Variants in ELF4 observed in about 807,000 individuals in gnomAD.
ELF4 encodes the protein E74 like ETS transcription factor 4, also known as ETS-related transcription factor Elf-4.
Under a neutral mutation model 31.7 loss-of-function variants are expected in ELF4, and 10 were observed. The ratio of observed to expected loss-of-function variants is 0.32; its 90% CI spans 0.19 to 0.54. The LOEUF (loss-of-function observed/expected upper bound fraction) is 0.54. Among genes scored for constraint, ELF4 ranks in the 20% least tolerant of loss-of-function variants. ELF4 has a pLI of 0.95. For synonymous variants in ELF4, 208 were observed against 226.7 expected (o/e 0.92, Z 0.74); for missense variants, 418 against 522.0 (o/e 0.80, Z 1.94).
intron 1 of ELF4, among the ~76,000 whole-genome samples, chrX:130,088,233 AAAAT>A (rs1347249864): frequency 9.1e-6 from 1 of 109,790 alleles, no homozygotes; most frequent in South Asian, 3.9e-4. Flanking sequence ...CCATCTCAAA[AAAAT>A]AAATAAATAA....
At chrX:130,100,643 G>A (rs763817185) in intron 1 of ELF4, among the ~76,000 whole-genome samples, 34 of 111,456 alleles carry the variant, frequency 3.1e-4, no homozygotes, top group East Asian at 2.8e-3. Context: ...TCATAATTAC[G>A]GTCTGCACCC....
chrX:130,106,154 T>G (rs1318400036), intron 1 of ELF4, among the ~76,000 whole-genome samples: 3 of 106,112 alleles, frequency 2.8e-5, no homozygotes, highest in African/African-American at 1.0e-4. Flanking sequence ...CTTCCCCCTC[T>G]CCCCCCTTCA....
intron 2 of ELF4, among the ~76,000 whole-genome samples, chrX:130,077,015 T>C (rs1327145873): frequency 9.0e-6 from 1 of 111,306 alleles, no homozygotes; most frequent in Non-Finnish European, 1.9e-5. Flanking sequence ...TTCAGAGCAG[T>C]GCTAGGGTCC....
intron 1 of ELF4, among the ~76,000 whole-genome samples, chrX:130,090,098 G>T (rs377287590): frequency 2.8e-5 from 3 of 108,669 alleles, no homozygotes; most frequent in African/African-American, 6.7e-5. Flanking sequence ...TTAGGGCCAG[G>T]CGTGGTGGCT....
chrX:130,095,113 G>T lies in ELF4; in HGVS notation c.-209-13574C>A, dbSNP rs1479241186. 2.7e-5 allele frequency among the ~76,000 whole-genome samples: 3 copies of T among 111,564 alleles called. No homozygotes were observed. The East Asian group carries it at 8.5e-4, about 32-fold the overall frequency. ...ACTTCAAGTTGCTCCCCCTGCTTCG[G>T]GAAAAGGAGGGCCAAACAGTAAAAA... On this transcript the variant is annotated intron_variant, in intron 1 of 8. Coordinates refer to ENST00000308167, the MANE Select transcript of ELF4 (RefSeq NM_001421.4).
At chrX:130,081,646 C>T (rs1002150523) in intron 1 of ELF4, 107 bp from the exon 2 acceptor site, 19 of 343,909 alleles carry the variant, frequency 5.5e-5, no homozygotes, top group African/African-American at 4.7e-4. Flanking sequence ...AGGCAGACTG[C>T]CAATAGAGGA....
chrX:130,075,836 G>A (rs1265567235), intron 2 of ELF4, among the ~76,000 whole-genome samples: 1 of 111,809 alleles, frequency 8.9e-6, no homozygotes, highest in African/African-American at 3.3e-5. Context: ...AGACAGAACA[G>A]AGGCATTATA....
In ELF4 at chrX:130,066,705, G is replaced by T; in HGVS notation, c.*16C>A. 2.5e-6 allele frequency: 3 copies of T among 1,206,729 alleles called. No individual in the cohort carries two copies. The highest frequency in any genetic ancestry group is 3.4e-6 in the Non-Finnish European group (3 of 892,545). ...CAATTTTGCCTGGTGGGTCACACTTGCCCTGACCCCTTTGCTTATATGTCA... is the reference window on the plus strand; with the variant it reads ...CAATTTTGCCTGGTGGGTCACACTTTCCCTGACCCCTTTGCTTATATGTCA... On this transcript the variant is annotated 3_prime_UTR_variant, in exon 9 of 9. Coordinates refer to ENST00000308167, the MANE Select transcript of ELF4 (RefSeq NM_001421.4).
chrX:130,090,346 C>T (rs1363309925), intron 1 of ELF4, among the ~76,000 whole-genome samples: 1 of 108,621 alleles, frequency 9.2e-6, no homozygotes, highest in Non-Finnish European at 1.9e-5. Flanking sequence ...GCACTCCAGC[C>T]TGGGCGACAG....
At chrX:130,101,651 T>C (rs1169701031) in intron 1 of ELF4, among the ~76,000 whole-genome samples, 6 of 107,650 alleles carry the variant, frequency 5.6e-5, no homozygotes, top group East Asian at 2.9e-4. Context: ...ATTAGCCGGG[T>C]GTGGTGGCGC....
intron 4 of ELF4, 103 bp from the exon 5 acceptor site, chrX:130,072,520 C>G: frequency 1.2e-6 from 1 of 838,892 alleles, no homozygotes; most frequent in Non-Finnish European, 1.8e-6. Flanking sequence ...GCGGGGGGCT[C>G]ATCCCCCCAG....
chrX:130,084,368 A>G (rs1327534239), intron 1 of ELF4, among the ~76,000 whole-genome samples: 3 of 112,653 alleles, frequency 2.7e-5, no homozygotes, highest in Middle Eastern at 4.6e-3. Context: ...TGAGACCCCC[A>G]AAGTCCATGT....
At chrX:130,086,845 G>A (rs1029370330) in intron 1 of ELF4, among the ~76,000 whole-genome samples, 7 of 112,458 alleles carry the variant, frequency 6.2e-5, no homozygotes, top group African/African-American at 1.9e-4. Context: ...AGAATACACA[G>A]GGTGGGGCTG....
At chrX:130,072,517 G>A (rs1005432761) in intron 4 of ELF4, 100 bp from the exon 5 acceptor site, 34 of 872,192 alleles carry the variant, frequency 3.9e-5, no homozygotes, top group Non-Finnish European at 5.7e-5. Context: ...AGGGCGGGGG[G>A]CTCATCCCCC....
intron 5 of ELF4, 62 bp downstream of exon 5, chrX:130,072,164 C>T (rs753092122): frequency 4.9e-5 from 56 of 1,149,933 alleles, no homozygotes; most frequent in African/African-American, 7.2e-5. Context: ...GAGCCCTGAC[C>T]GCCCCCCCAC....
In ELF4 at chrX:130,067,231, G is replaced by T. The variant is rs752280897; in HGVS notation, c.1482C>A (p.Asn494Lys). The change falls in exon 9 of 9, where the codon AAC (asparagine) becomes AAA (lysine). Residue 494 changes from asparagine (N) to lysine (K), a missense_variant. Coordinates refer to ENST00000308167, the MANE Select transcript of ELF4 (RefSeq NM_001421.4). ...SGLPQLLAGA[N>K]RPTNPAPPTV... is the part of the protein sequence containing the mutation. ...TGGGTGGCGCCGGGTTGGTCGGACG[G>T]TTGGCCCCAGCCAGAAGTTGGGGGA... 1 of 1,212,055 alleles carries T rather than the reference G, an allele frequency of 8.3e-7. No homozygotes were observed. The highest frequency in any genetic ancestry group is 1.1e-6 in the Non-Finnish European group (1 of 895,417).
At position 130,066,155 on chromosome X, in the gene ELF4, C is replaced by T. The variant is rs3788846; in HGVS notation, c.*566G>A. On this transcript the variant is annotated 3_prime_UTR_variant, in exon 9 of 9. Transcript: ENST00000308167. ...CCATAGTCTCAGAGCAACTGAATCT[C>T]GGCATGAACAAAGGGAATTAGAGAA... 934 of 174,728 alleles carry T rather than the reference C, an allele frequency of 5.3e-3. 21 individuals are homozygous for T. The East Asian group carries it at 0.065, about 12-fold the overall frequency. 14.4% of individuals were successfully genotyped at this position (174,728 alleles called of 1,213,427 possible). A position where few individuals can be genotyped will look rare whatever the true frequency, so the allele number is the denominator to read the frequency against.
At chrX:130,071,850 G>A (rs969794501) in intron 5 of ELF4, among the ~76,000 whole-genome samples, 1 of 112,184 alleles carries the variant, frequency 8.9e-6, no homozygotes, top group Non-Finnish European at 1.9e-5. Flanking sequence ...ATATGGCCTC[G>A]GCTTTATAAG....
chrX:130,103,081 T>A (rs1183520198), intron 1 of ELF4, among the ~76,000 whole-genome samples: 1 of 110,913 alleles, frequency 9.0e-6, no homozygotes, highest in Admixed American at 9.6e-5. Flanking sequence ...ATAAAACCTA[T>A]AAAAGAAAAT....
Sources: gnomAD v4.1 joint callset for allele counts (sites outside exome capture counted in the v4.1 genomes callset) on GRCh38, gnomAD v4.1.1 for gene constraint, MANE v1.5 for transcripts, NCBI Gene and HGNC (gene_info 2026-07-23, HGNC 2026-07-21) for gene names.